RPP40: variants seen among roughly 807,000 people sequenced by gnomAD.
The protein encoded by RPP40 is ribonuclease P protein subunit p40.
In RPP40, 30 loss-of-function variants were observed where a neutral mutation model predicts 42.5. That is an observed-to-expected ratio of 0.71 (90% confidence interval 0.53 to 0.96). The LOEUF is 0.96. RPP40 is among the 40% of genes least tolerant of loss of function. The pLI, the probability that RPP40 is intolerant of heterozygous loss-of-function variation, is 0.00. For synonymous variants in RPP40, 173 were observed against 164.0 expected, an observed-to-expected ratio of 1.05 and a Z score of -0.42; for missense variants, 426 against 433.5, an observed-to-expected ratio of 0.98 and a Z score of 0.15.
chr6:5,002,576 T>A, intron 1 of RPP40, among the ~76,000 whole-genome samples: 1 of 152,244 alleles, frequency 6.6e-6, no homozygotes, highest in Non-Finnish European at 1.5e-5. Flanking sequence ...TATTTTATTT[T>A]CAAGGAAATA....
At chr6:5,001,840 T>C (rs901821425) in intron 2 of RPP40, 1 of 330,926 alleles carries the variant, frequency 3.0e-6, no homozygotes, top group Non-Finnish European at 5.5e-6. Context: ...TCTCCATTAA[T>C]CCTCATTTTA....
chr6:4,988,662 G>T, the RPP40 span, among the ~76,000 whole-genome samples: 2 of 151,940 alleles, frequency 1.3e-5, no homozygotes, highest in African/African-American at 4.8e-5. Flanking sequence ...TTAATAACTT[G>T]CTCCTTTTTA....
chr6:4,998,888 G>A (rs781400450), intron 4 of RPP40, 47 bp from the exon 5 acceptor site: 1 of 1,170,714 alleles, frequency 8.5e-7, no homozygotes, highest in South Asian at 2.1e-5. Context: ...TATACGTACA[G>A]CTTCTACCAT....
intron 1 of RPP40, 133 bp downstream of exon 1, chr6:5,003,747 C>A (rs3762008): frequency 1.7e-6 from 2 of 1,193,148 alleles, no homozygotes; most frequent in African/African-American, 1.6e-5. Context: ...CAACTCCCAG[C>A]AAGCCGGGCG....
At chr6:5,000,291 C>T (rs755187464) in intron 3 of RPP40, among the ~76,000 whole-genome samples, 2 of 152,008 alleles carry the variant, frequency 1.3e-5, no homozygotes, top group African/African-American at 4.8e-5. Flanking sequence ...AGGTTCAAAG[C>T]GATTCTCCTG....
chr6:4,993,266 T>C (rs1759285539), downstream of RPP40, among the ~76,000 whole-genome samples: 1 of 152,224 alleles, frequency 6.6e-6, no homozygotes, highest in African/African-American at 2.4e-5. Context: ...AATTTCTTCA[T>C]ATCCATTATT....
downstream of RPP40, among the ~76,000 whole-genome samples, chr6:4,993,436 C>T (rs1057115996): frequency 1.3e-5 from 2 of 152,196 alleles, no homozygotes; most frequent in Non-Finnish European, 2.9e-5. Flanking sequence ...AAGCATAAAG[C>T]ATACTTTATG....
At chr6:5,002,266 A>AACAAGGTCTTACTT (rs1205678688) in intron 1 of RPP40, 21 bp from the exon 2 acceptor site, 1 of 1,576,818 alleles carries the variant, frequency 6.3e-7, no homozygotes, top group African/African-American at 1.4e-5. Flanking sequence ...GTGTAATACA[A>AACAAGGTCTTACTT]ACAAGGTCTT....
In RPP40 at chr6:5,003,881, C is replaced by T; in HGVS notation, c.122G>A (p.Arg41Lys). The T allele has an allele frequency of 6.2e-7, 1 of 1,612,324 alleles. No homozygotes were observed. The highest frequency in any genetic ancestry group is 8.5e-7 in the Non-Finnish European group (1 of 1,178,752). ...AAAGCCGAGGACAGCCGGACTCACC[C>T]TGTAGTTATAGTAGTGCGTCTGCAC... ...HLVQTHYYNY[R>K]VSFLIPECGI... is the part of the protein sequence containing the mutation. The change falls in exon 1 of 8, where the codon AGG (arginine) becomes AAG (lysine). Residue 41 changes from arginine (R) to lysine (K), a missense_variant and splice_region_variant. Transcript: ENST00000380051.
At chr6:5,001,150 TCAGAGA>T (rs1248684212) in intron 2 of RPP40, 1 of 456,684 alleles carries the variant, frequency 2.2e-6, no homozygotes, top group Non-Finnish European at 4.4e-6. Context: ...CATACACCTC[TCAGAGA>T]CAGAGTTCCA....
chr6:4,989,413 G>A, the RPP40 span, among the ~76,000 whole-genome samples: 1 of 150,990 alleles, frequency 6.6e-6, no homozygotes, highest in Non-Finnish European at 1.5e-5. Context: ...GTCCTTTGAA[G>A]TTCTACAAAC....
chr6:4,998,614 C>T lies in RPP40; in HGVS notation c.559+102G>A. 6.5e-6 allele frequency: 5 copies of T among 767,786 alleles called. No individual in the cohort carries two copies. In the South Asian group the frequency reaches 7.6e-5, roughly 12 times the overall value. 47.6% of individuals were successfully genotyped at this position (767,786 alleles called of 1,614,324 possible). ...TTTTTATATATACGTATAGAATATT[C>T]CTTGACTAAAGAGTGAATCACCATT... On this transcript the variant is annotated intron_variant, in intron 5 of 7. Transcript: ENST00000380051.
downstream of RPP40, among the ~76,000 whole-genome samples, chr6:4,992,003 A>C (rs927782042): frequency 2.0e-5 from 3 of 152,150 alleles, no homozygotes; most frequent in Admixed American, 6.6e-5. Flanking sequence ...CCCAGAAGCC[A>C]GGCAGATGCC....
intron 1 of RPP40, 177 bp downstream of exon 1, chr6:5,003,703 T>G (rs1759657631): frequency 1.3e-6 from 1 of 750,572 alleles, no homozygotes; most frequent in Admixed American, 3.5e-5. Flanking sequence ...CCTGTAGCCC[T>G]GCAAGCCACT....
downstream of RPP40, among the ~76,000 whole-genome samples, chr6:4,989,799 C>T (rs1759239538): frequency 6.6e-6 from 1 of 152,218 alleles, no homozygotes; most frequent in African/African-American, 2.4e-5. Flanking sequence ...ATCCTGCAAC[C>T]TTGACAAACT....
chr6:4,999,799 T>C lies in RPP40; in HGVS notation c.433+10A>G. ...AGATTAGAAACAGATGGAACACACA[T>C]GATACTTACTAAATTTCATAATTTT... On this transcript the variant is annotated intron_variant, in intron 4 of 7. Transcript: ENST00000380051. The C allele has an allele frequency of 1.4e-6, 2 of 1,447,582 alleles. No individual in the cohort carries two copies. Among genetic ancestry groups the C allele is most frequent in the Non-Finnish European group, 9.7e-7 (1 of 1,029,200 alleles). The allele number at this position is 1,447,582 out of a possible 1,614,324, so 89.7% of individuals were successfully genotyped here.
chr6:4,996,543 G>T (rs2127540460), intron 5 of RPP40, 123 bp from the exon 6 acceptor site: 1 of 805,128 alleles, frequency 1.2e-6, no homozygotes, highest in Non-Finnish European at 2.0e-6. Context: ...AAGCTGTGCA[G>T]AGCTGCATTC....
downstream of RPP40, among the ~76,000 whole-genome samples, chr6:4,990,264 G>A (rs552548625): frequency 1.4e-3 from 207 of 152,122 alleles, 1 homozygote; most frequent in South Asian, 2.9e-3. Context: ...ACACTCCTTG[G>A]ATATTCCCTC....
intron 1 of RPP40, among the ~76,000 whole-genome samples, chr6:5,003,213 G>A (rs1484786055): frequency 2.6e-5 from 4 of 151,862 alleles, no homozygotes; most frequent in Non-Finnish European, 5.9e-5. Flanking sequence ...CGGGCGTGGT[G>A]GCGCGCGCCT....
Sources: allele counts gnomAD v4.1 joint callset (sites outside exome capture counted in the v4.1 genomes callset), GRCh38; gene constraint gnomAD v4.1.1; transcripts MANE v1.5; gene names NCBI Gene and HGNC (gene_info 2026-07-23, HGNC 2026-07-21).